Variants in EVI5 observed in about 807,000 individuals in gnomAD.
EVI5 encodes ecotropic viral integration site 5 protein homolog.
A neutral mutation model predicts 112.0 loss-of-function variants in EVI5; 73 were observed. The ratio of observed to expected loss-of-function variants is 0.65; its 90% confidence interval spans 0.54 to 0.79. The LOEUF (loss-of-function observed/expected upper bound fraction) is 0.79, where lower values mean the gene tolerates loss of function less well. Among genes scored for constraint, EVI5 ranks in the 30% least tolerant of loss-of-function variants. The pLI is 0.00. For missense variants in EVI5, 900 were observed against 968.8 expected (o/e 0.93, Z 0.94); for synonymous variants, 305 against 319.9 (o/e 0.95, Z 0.50).
At chr1:92,675,910 C>G (rs1187849762) in intron 10 of EVI5, among the ~76,000 whole-genome samples, 2 of 148,130 alleles carry the variant, frequency 1.4e-5, no homozygotes, top group Non-Finnish European at 3.0e-5. Context: ...GAGCCAAGAT[C>G]GCACCACTGC....
intron 17 of EVI5, among the ~76,000 whole-genome samples, chr1:92,606,214 C>T (rs1216582160): frequency 1.3e-5 from 2 of 152,130 alleles, no homozygotes; most frequent in Admixed American, 6.5e-5. Context: ...ATTACTTAGA[C>T]AAGTTCAAAG....
At chr1:92,535,679 T>A (rs1416941248) in intron 19 of EVI5, among the ~76,000 whole-genome samples, 1 of 152,070 alleles carries the variant, frequency 6.6e-6, no homozygotes, top group South Asian at 2.1e-4. Context: ...AAACACTGCA[T>A]GTTCTCATTC....
intron 19 of EVI5, among the ~76,000 whole-genome samples, chr1:92,553,099 G>C (rs1420144347): frequency 6.6e-6 from 1 of 151,818 alleles, no homozygotes; most frequent in African/African-American, 2.4e-5. Flanking sequence ...TGAAAGTCTT[G>C]AATAAAGTAA....
At chr1:92,643,058 G>A (rs1660279325) in intron 13 of EVI5, among the ~76,000 whole-genome samples, 1 of 152,154 alleles carries the variant, frequency 6.6e-6, no homozygotes, top group African/African-American at 2.4e-5. Context: ...ATCAGGAAAA[G>A]TTGTCCAACA....
At chr1:92,639,566 C>G (rs1176393691) in intron 13 of EVI5, among the ~76,000 whole-genome samples, 1 of 152,108 alleles carries the variant, frequency 6.6e-6, no homozygotes. Context: ...ATACATTAAG[C>G]TTTTAACTAA....
At chr1:92,555,783 G>C (rs1403836420) in intron 19 of EVI5, among the ~76,000 whole-genome samples, 1 of 150,232 alleles carries the variant, frequency 6.7e-6, no homozygotes, top group Non-Finnish European at 1.5e-5. Flanking sequence ...CCAGGAGGTG[G>C]AGGTTGCAGT....
At chr1:92,723,470 G>A (rs1054889142) in intron 2 of EVI5, among the ~76,000 whole-genome samples, 12 of 152,084 alleles carry the variant, frequency 7.9e-5, no homozygotes, top group African/African-American at 2.9e-4. Flanking sequence ...TGTCTTTACT[G>A]CAATCTCTGA....
chr1:92,564,498 T>C (rs74102906), intron 18 of EVI5, among the ~76,000 whole-genome samples: 1 of 152,020 alleles, frequency 6.6e-6, no homozygotes, highest in Non-Finnish European at 1.5e-5. Flanking sequence ...TTGAGTCTCC[T>C]CTGGTTAATT....
intron 10 of EVI5, among the ~76,000 whole-genome samples, chr1:92,671,608 T>C (rs1313789112): frequency 6.6e-6 from 1 of 152,136 alleles, no homozygotes; most frequent in Non-Finnish European, 1.5e-5. Context: ...AAAATTGGGC[T>C]CCTGGTATCC....
In EVI5 at chr1:92,695,327, C is replaced by A; in HGVS notation, c.892G>T (p.Asp298Tyr). The stretch of plus-strand genomic sequence containing the variant: ...TAGCTTACCTCAGACATAAAGATAT[C>A]AAATATCCTTGTTGCAATTGGTAGT... ...FPLPIATRIF[D>Y]IFMSEGLEIV... The change falls in exon 7 of 20, where the codon GAT becomes TAT. Residue 298 changes from aspartate to tyrosine, a missense_variant. By Grantham distance (160) the Asp-to-Tyr change is radical. Coordinates refer to ENST00000684568, the MANE Select transcript of EVI5 (RefSeq NM_001350197.2). 6.2e-7 allele frequency: 1 copy of A among 1,611,182 alleles called. No homozygotes were observed. The highest frequency in any genetic ancestry group is 1.1e-5 in the South Asian group (1 of 90,642).
chr1:92,666,642 AGAAAG>A (rs936259036), intron 10 of EVI5, among the ~76,000 whole-genome samples: 2 of 150,836 alleles, frequency 1.3e-5, no homozygotes, highest in Non-Finnish European at 1.5e-5. Flanking sequence ...GAAGGGGAGA[AGAAAG>A]GAAAGGAAAG....
intron 1 of EVI5, chr1:92,756,513 C>G: frequency 1.9e-6 from 1 of 533,562 alleles, no homozygotes; most frequent in East Asian, 5.3e-5. Flanking sequence ...CTGCTTACTC[C>G]TGGTATTTCT....
chr1:92,613,393 G>A (rs1652330330), intron 16 of EVI5, among the ~76,000 whole-genome samples: 1 of 151,998 alleles, frequency 6.6e-6, no homozygotes, highest in East Asian at 1.9e-4. Flanking sequence ...CTGCCTCCCA[G>A]GTTCAAGTGA....
At chr1:92,666,362 A>AACAC (rs375141640) in intron 10 of EVI5, among the ~76,000 whole-genome samples, 1 of 150,652 alleles carries the variant, frequency 6.6e-6, no homozygotes, top group Non-Finnish European at 1.5e-5. Context: ...CTCTATGAAA[A>AACAC]ACACACACAC....
At chr1:92,680,511 G>A (rs1277455655) in intron 9 of EVI5, among the ~76,000 whole-genome samples, 2 of 152,108 alleles carry the variant, frequency 1.3e-5, no homozygotes, top group Non-Finnish European at 2.9e-5. Flanking sequence ...GTAGAATGCT[G>A]ATTAATAAAT....
chr1:92,652,238 C>T (rs1200064795), intron 13 of EVI5, among the ~76,000 whole-genome samples: 2 of 152,080 alleles, frequency 1.3e-5, no homozygotes, highest in East Asian at 3.9e-4. Flanking sequence ...GTGCAATAAG[C>T]CACACACAAA....
At chr1:92,716,173 ACCCCCATGTAG>A (rs1558135101) in intron 2 of EVI5, among the ~76,000 whole-genome samples, 1 of 151,612 alleles carries the variant, frequency 6.6e-6, no homozygotes, top group Non-Finnish European at 1.5e-5. Flanking sequence ...TGGGTTCCTG[ACCCCCATGTAG>A]CCTAACTGGG....
chr1:92,784,250 C>T, intron 1 of EVI5: 3 of 966,530 alleles, frequency 3.1e-6, no homozygotes, highest in Non-Finnish European at 3.7e-6. Context: ...ACAATCCAAC[C>T]TACCGGAAAT....
At chr1:92,601,965 T>C (rs984416889) in intron 18 of EVI5, among the ~76,000 whole-genome samples, 1 of 152,200 alleles carries the variant, frequency 6.6e-6, no homozygotes, top group Admixed American at 6.5e-5. Flanking sequence ...TCACATACGA[T>C]AGCATGATTT....
Sources: gnomAD v4.1 joint callset for allele counts (sites outside exome capture counted in the v4.1 genomes callset) on GRCh38, gnomAD v4.1.1 for gene constraint, MANE v1.5 for transcripts, NCBI Gene and HGNC (gene_info 2026-07-23, HGNC 2026-07-21) for gene names.